The following SF3B1 variants were observed in gnomAD, a reference collection of about 807,000 sequenced individuals.
SF3B1 encodes pre-mRNA processing 10.
A neutral mutation model predicts 153.8 loss-of-function variants in SF3B1; 12 were observed. That is an observed-to-expected ratio of 0.08 (90% confidence interval 0.05 to 0.13). SF3B1 has a LOEUF of 0.13. Ranked by LOEUF, SF3B1 falls within the 10% of genes least tolerant of loss-of-function variation. The pLI is 1.00. For missense variants in SF3B1, 513 were observed against 1,606.1 expected (o/e 0.32, Z 11.63); for synonymous variants, 498 against 525.2 (o/e 0.95, Z 0.71).
At chr2:197,403,521 A>C in intron 12 of SF3B1, 64 bp downstream of exon 12, 1 of 1,076,906 alleles carries the variant, frequency 9.3e-7, no homozygotes. Context: ...ATGTAAATTT[A>C]ACATTGATTA....
intron 20 of SF3B1, 139 bp from the exon 21 acceptor site, chr2:197,398,720 T>A: frequency 2.6e-6 from 2 of 765,110 alleles, no homozygotes; most frequent in Non-Finnish European, 4.2e-6. Context: ...CCCCAGATTC[T>A]GACCAGACTC....
chr2:197,399,682 T>A (rs1321813358), intron 20 of SF3B1, among the ~76,000 whole-genome samples: 2 of 152,154 alleles, frequency 1.3e-5, no homozygotes, highest in African/African-American at 4.8e-5. Flanking sequence ...ATATATATAT[T>A]GTTCTAAAAC....
rs1202662118 is a variant in SF3B1 at position 197,409,697 on chromosome 2, A to C, written c.904+73T>G. 7 of 1,201,950 alleles carry C rather than the reference A, an allele frequency of 5.8e-6. No individual in the cohort carries two copies. In the East Asian group the frequency reaches 1.4e-4, roughly 24 times the overall value. The allele number at this position is 1,201,950 out of a possible 1,614,324, so 74.5% of individuals were successfully genotyped here. On this transcript the variant is annotated intron_variant, in intron 7 of 24. Transcript: ENST00000335508. ...ATTTATACGTGTCCACCCAGGAATA[A>C]ACAGAACACATTTCAGTCTGTAAAC...
chr2:197,410,501 ATTTTTT>A (rs573287348), intron 6 of SF3B1, among the ~76,000 whole-genome samples: 28 of 107,938 alleles, frequency 2.6e-4, no homozygotes, highest in African/African-American at 7.7e-4. Context: ...CACCTATGTA[ATTTTTT>A]TTTTTTTTTT....
chr2:197,426,114 CT>C (rs2085332780), intron 1 of SF3B1, among the ~76,000 whole-genome samples: 3 of 151,896 alleles, frequency 2.0e-5, no homozygotes, highest in Non-Finnish European at 4.4e-5. Context: ...CACAGCACCA[CT>C]ACATGCACAG....
chr2:197,401,080 TGAA>T lies in SF3B1; in HGVS notation c.2497-147_2497-145del. Reference sequence around the variant, plus strand: ...ATGATTCATTGCTACTTATTAAAGTTGAAGAGAAAAGTGACCAAACATCGAAAA... The same window carrying T: ...ATGATTCATTGCTACTTATTAAAGTTGAGAAAAGTGACCAAACATCGAAAA... On this transcript the variant is annotated intron_variant, in intron 17 of 24. Coordinates refer to ENST00000335508, the MANE Select transcript of SF3B1 (RefSeq NM_012433.4). This position sits in a 1 kb window ranked among gnomAD's most constrained non-coding sequence, Gnocchi z 4.2. 1 of 636,762 alleles carries T rather than the reference TGAA, an allele frequency of 1.6e-6. No homozygotes were observed. Among genetic ancestry groups the T allele is most frequent in the South Asian group, 2.0e-5 (1 of 48,946 alleles). 39.4% of individuals were successfully genotyped at this position (636,762 alleles called of 1,614,324 possible). A position where few individuals can be genotyped will look rare whatever the true frequency, so the allele number is the denominator to read the frequency against.
chr2:197,405,361 G>T lies in SF3B1; in HGVS notation c.1351C>A (p.Arg451=), dbSNP rs369794291. 1.1e-5 allele frequency: 17 copies of T among 1,613,938 alleles called. No individual in the cohort carries two copies. The East Asian group carries it at 2.5e-4, about 23-fold the overall frequency. ...TGGTCATTAACACTTTTCATAGTTC[G>T]ATCTTCAGTTTGCATGTGGAAACCA... is the stretch of plus-strand genomic sequence containing the variant. The part of the protein sequence containing the change: ...MTGFHMQTED[R]TMKSVNDQPS... Residue 451 remains arginine (R), a synonymous_variant, in exon 10 of 25, where the codon CGA becomes AGA. Transcript: ENST00000335508.
intron 1 of SF3B1, among the ~76,000 whole-genome samples, chr2:197,430,122 G>T (rs2085404779): frequency 6.6e-6 from 1 of 152,104 alleles, no homozygotes; most frequent in Admixed American, 6.5e-5. Flanking sequence ...AAAGATATAA[G>T]AGAAACCAAC....
intron 22 of SF3B1, among the ~76,000 whole-genome samples, chr2:197,396,891 C>T (rs1356118355): frequency 6.6e-6 from 1 of 152,172 alleles, no homozygotes; most frequent in Non-Finnish European, 1.5e-5. Context: ...GACTCCATCA[C>T]CACTGAAATA....
intron 9 of SF3B1, among the ~76,000 whole-genome samples, chr2:197,406,751 C>A (rs1436958181): frequency 6.6e-6 from 1 of 152,152 alleles, no homozygotes; most frequent in Non-Finnish European, 1.5e-5. Flanking sequence ...GGCAAAACTT[C>A]ATGCAAACTT....
chr2:197,433,184 CCT>C (rs1188530331), intron 1 of SF3B1, among the ~76,000 whole-genome samples: 6 of 152,206 alleles, frequency 3.9e-5, no homozygotes, highest in Admixed American at 3.9e-4. Context: ...TTTATCATCC[CCT>C]GACATATCCC....
rs112865313 is a variant in SF3B1, at chr2:197,407,986, T to C, written c.1239+12A>G. 0.015 allele frequency: 24,256 copies of C among 1,607,822 alleles called. 232 individuals carry two copies. The highest frequency in any genetic ancestry group is 0.027 in the South Asian group (2,426 of 90,204). The stretch of plus-strand genomic sequence containing the variant: ...ATCCTAAATACCACCTCATTCAAAT[T>C]TGATGTACTACCTTATATCCTTCTG... On this transcript the variant is annotated intron_variant, in intron 9 of 24. Coordinates refer to ENST00000335508, the MANE Select transcript of SF3B1 (RefSeq NM_012433.4).
At chr2:197,395,047 C>T (rs1035330023) in intron 23 of SF3B1, among the ~76,000 whole-genome samples, 1 of 152,188 alleles carries the variant, frequency 6.6e-6, no homozygotes, top group African/African-American at 2.4e-5. Context: ...AAGAATGAAG[C>T]AGTATTCCTC....
At chr2:197,419,098 T>G (rs1052866946) in intron 4 of SF3B1, 16 of 603,314 alleles carry the variant, frequency 2.7e-5, no homozygotes, top group Non-Finnish European at 3.2e-5. Context: ...AATTGTAGTT[T>G]AGAAAATCTG....
At chr2:197,423,105 G>C (rs2085274475) in intron 2 of SF3B1, among the ~76,000 whole-genome samples, 1 of 151,668 alleles carries the variant, frequency 6.6e-6, no homozygotes, top group African/African-American at 2.4e-5. Context: ...AAAAATTCCA[G>C]GCTGGGCGCA....
In SF3B1 at chr2:197,400,235, T is replaced by A; in HGVS notation, c.2901+17A>T. ...AACTATTTGGGGAAGAAGTAAGAAT[T>A]TGATGCAAAAGTTTACCTCTTGACA... On this transcript the variant is annotated intron_variant, in intron 19 of 24. Coordinates refer to ENST00000335508, the MANE Select transcript of SF3B1 (RefSeq NM_012433.4). The surrounding 1 kb of genome is among the most constrained non-coding windows in gnomAD (Gnocchi z 5.0). 1 of 1,612,854 alleles carries A rather than the reference T, an allele frequency of 6.2e-7. No individual in the cohort carries two copies. Among genetic ancestry groups the A allele is most frequent in the Non-Finnish European group, 8.5e-7 (1 of 1,179,110 alleles).
intron 1 of SF3B1, among the ~76,000 whole-genome samples, chr2:197,431,956 C>T (rs1049054095): frequency 1.6e-4 from 25 of 151,872 alleles, no homozygotes; most frequent in African/African-American, 5.3e-4. Flanking sequence ...GACCCCATCT[C>T]TAAAAAAAAA....
chr2:197,408,309 A>C, intron 8 of SF3B1, 60 bp downstream of exon 8: 1 of 1,520,764 alleles, frequency 6.6e-7, no homozygotes, highest in Non-Finnish European at 9.1e-7. Flanking sequence ...AATACCACAA[A>C]GGAAAAAATT....
In SF3B1 at chr2:197,418,581, T is replaced by C. The variant is rs788023; in HGVS notation, c.423A>G (p.Lys141=). The change falls in exon 5 of 25, where the codon AAA becomes AAG. Residue 141 remains lysine (K), a synonymous_variant. Transcript: ENST00000335508. ...ERLDPFADGG[K]TPDPKMNART... ...TAGCATTCATTTTAGGATCAGGGGT[T>C]TTCCCTCCTGCAGAAAAGAACAGCA... The C allele has an allele frequency of 0.68, 1,092,552 of 1,607,252 alleles. 375,467 individuals are homozygous for C. The highest frequency in any genetic ancestry group is 0.86 in the Middle Eastern group (5,178 of 6,044).
Sources: gnomAD v4.1 joint callset for allele counts (sites outside exome capture counted in the v4.1 genomes callset) on GRCh38, gnomAD v4.1.1 for gene constraint, Gnocchi (gnomAD v3.1) non-coding constraint, MANE v1.5 for transcripts, NCBI Gene and HGNC (gene_info 2026-07-23, HGNC 2026-07-21) for gene names.